PGM5: variants seen among roughly 807,000 people sequenced by gnomAD.
PGM5 encodes phosphoglucomutase-like protein 5.
PGM5 carries 23 observed loss-of-function variants against 59.2 expected under a neutral mutation model. That is an observed-to-expected ratio of 0.39 (90% CI 0.28 to 0.55). The LOEUF (loss-of-function observed/expected upper bound fraction) is 0.55. PGM5 is among the 20% of genes least tolerant of loss of function. The pLI is 0.66. For missense variants in PGM5, 574 were observed against 748.3 expected (o/e 0.77, Z 2.72); for synonymous variants, 214 against 286.0 (o/e 0.75, Z 2.54).
chr9:68,487,329 G>A (rs539672761), intron 9 of PGM5, among the ~76,000 whole-genome samples: 1 of 152,252 alleles, frequency 6.6e-6, no homozygotes, highest in East Asian at 1.9e-4. Context: ...CTCAGGTACA[G>A]CGGCAAGTAC....
chr9:68,482,213 A>G (rs1235708228), intron 8 of PGM5, among the ~76,000 whole-genome samples: 1 of 151,872 alleles, frequency 6.6e-6, no homozygotes, highest in Non-Finnish European at 1.5e-5. Context: ...ATATTAGTGG[A>G]TTTTTTTCAA....
intron 6 of PGM5, among the ~76,000 whole-genome samples, chr9:68,408,735 T>G (rs1185877131): frequency 1.3e-5 from 2 of 152,226 alleles, no homozygotes; most frequent in Admixed American, 1.3e-4. Flanking sequence ...TTAATCCATC[T>G]TGAATTGATT....
At chr9:68,510,147 T>C (rs999518395) in intron 10 of PGM5, among the ~76,000 whole-genome samples, 8 of 7,414 alleles carry the variant, frequency 1.1e-3, no homozygotes, top group Admixed American at 3.8e-3. Context: ...GAAATCAGCA[T>C]TTTTTTTTTT....
chr9:68,483,080 T>C lies in PGM5; in HGVS notation c.1296-785T>C, dbSNP rs191457206. ...TTTACCTTCCTTGATTTTTCTCTCTTTCCTTCCTTCCTTTCCTTTCTCCCA... is the reference window on the plus strand; with the variant it reads ...TTTACCTTCCTTGATTTTTCTCTCTCTCCTTCCTTCCTTTCCTTTCTCCCA... On this transcript the variant is annotated intron_variant, in intron 8 of 10. Coordinates refer to ENST00000396396, the MANE Select transcript of PGM5 (RefSeq NM_021965.4). Among the ~76,000 whole-genome samples, 708 of 152,294 alleles carry C rather than the reference T, an allele frequency of 4.6e-3. 10 individuals carry two copies. Among genetic ancestry groups the C allele is most frequent in the Non-Finnish European group, 3.1e-3 (210 of 68,020 alleles).
At chr9:68,385,468 G>A (rs1414395966) in intron 3 of PGM5, among the ~76,000 whole-genome samples, 2 of 152,086 alleles carry the variant, frequency 1.3e-5, no homozygotes, top group African/African-American at 2.4e-5. Flanking sequence ...GGGGGTCACA[G>A]TATTTGCCCA....
intron 10 of PGM5, among the ~76,000 whole-genome samples, chr9:68,520,619 G>A (rs748192277): frequency 1.3e-5 from 2 of 151,968 alleles, no homozygotes; most frequent in African/African-American, 2.4e-5. Flanking sequence ...GTATTATAAG[G>A]GCAACTGAAT....
At chr9:68,457,183 G>A (rs1052801755) in intron 6 of PGM5, among the ~76,000 whole-genome samples, 12 of 152,064 alleles carry the variant, frequency 7.9e-5, no homozygotes, top group Admixed American at 7.2e-4. Flanking sequence ...TAGTGTCTTT[G>A]ACAAATAGAA....
intron 6 of PGM5, among the ~76,000 whole-genome samples, chr9:68,441,168 C>T (rs1823523298): frequency 6.6e-6 from 1 of 151,834 alleles, no homozygotes; most frequent in African/African-American, 2.4e-5. Context: ...TTAAAACCTT[C>T]CAAAAAATCC....
At chr9:68,402,057 G>C (rs1391206393) in intron 6 of PGM5, among the ~76,000 whole-genome samples, 1 of 152,174 alleles carries the variant, frequency 6.6e-6, no homozygotes, top group Non-Finnish European at 1.5e-5. Context: ...GAGGTCAGGA[G>C]TTCAAGACCA....
chr9:68,410,309 G>A (rs115018605), intron 6 of PGM5, among the ~76,000 whole-genome samples: 60 of 152,326 alleles, frequency 3.9e-4, no homozygotes, highest in African/African-American at 1.3e-3. Context: ...GAATGGCCAC[G>A]AGCATGGCTA....
intron 3 of PGM5, among the ~76,000 whole-genome samples, chr9:68,385,983 T>C (rs1313388367): frequency 1.3e-5 from 2 of 151,702 alleles, no homozygotes; most frequent in Non-Finnish European, 2.9e-5. Context: ...ATAATTCCTT[T>C]GCATTTCACT....
intron 4 of PGM5, among the ~76,000 whole-genome samples, chr9:68,388,092 C>G (rs1822273406): frequency 7.2e-6 from 1 of 138,782 alleles, no homozygotes; most frequent in Admixed American, 7.6e-5. Flanking sequence ...AGCTGCAGCT[C>G]TTTTTCACCC....
At chr9:68,383,045 A>T (rs1822116187) in intron 2 of PGM5, among the ~76,000 whole-genome samples, 1 of 151,976 alleles carries the variant, frequency 6.6e-6, no homozygotes, top group Admixed American at 6.6e-5. Context: ...AGGGTAAAAA[A>T]TGGTAAGGAG....
chr9:68,503,182 T>G (rs1361631056), intron 10 of PGM5, among the ~76,000 whole-genome samples: 1 of 152,184 alleles, frequency 6.6e-6, no homozygotes, highest in African/African-American at 2.4e-5. Context: ...AACATATGAT[T>G]TGTCATCTAA....
intron 6 of PGM5, among the ~76,000 whole-genome samples, chr9:68,415,876 A>T (rs1420296798): frequency 1.3e-4 from 19 of 149,588 alleles, no homozygotes; most frequent in Admixed American, 8.1e-4. Context: ...ATAAATACAT[A>T]GGTACATTTT....
At chr9:68,457,330 G>A (rs1823794298) in intron 6 of PGM5, among the ~76,000 whole-genome samples, 1 of 152,186 alleles carries the variant, frequency 6.6e-6, no homozygotes, top group Non-Finnish European at 1.5e-5. Flanking sequence ...TGGCCTTGCT[G>A]AAACAGAATC....
At position 68,513,095 on chromosome 9, in the gene PGM5, A is replaced by G. The variant is rs527952322; in HGVS notation, c.1614+13734A>G. Among the ~76,000 whole-genome samples, 7 of 152,382 alleles carry G rather than the reference A, an allele frequency of 4.6e-5. No homozygotes were observed. In the East Asian group the frequency reaches 1.3e-3, roughly 29 times the overall value. On this transcript the variant is annotated intron_variant, in intron 10 of 10. Coordinates refer to ENST00000396396, the MANE Select transcript of PGM5 (RefSeq NM_021965.4). ...CACGTTATTTACAATTTCTGATTACATTCAGTACAGCATGTATCAACATGA... is the reference window on the plus strand; with the variant it reads ...CACGTTATTTACAATTTCTGATTACGTTCAGTACAGCATGTATCAACATGA...
chr9:68,396,420 G>C (rs1302870296), intron 6 of PGM5: 1 of 152,130 alleles, frequency 6.6e-6, no homozygotes, highest in Non-Finnish European at 1.5e-5. Context: ...CCAAACCATG[G>C]CTAGGGGAGG....
intron 6 of PGM5, among the ~76,000 whole-genome samples, chr9:68,422,714 A>G (rs1928255): frequency 0.98 from 149,860 of 152,326 alleles, 73,753 homozygotes; most frequent in East Asian, 1. Context: ...CAGTCTGCAA[A>G]GGCATAATTA....
Sources: gnomAD v4.1 joint callset for allele counts (sites outside exome capture counted in the v4.1 genomes callset) on GRCh38, gnomAD v4.1.1 for gene constraint, MANE v1.5 for transcripts, NCBI Gene and HGNC (gene_info 2026-07-23, HGNC 2026-07-21) for gene names.